Variants in PAX7 observed in about 807,000 individuals in gnomAD.
PAX7 encodes paired box 7.
A neutral mutation model predicts 50.7 loss-of-function variants in PAX7; 18 were observed. That is an observed-to-expected ratio of 0.36 (90% confidence interval 0.25 to 0.53). PAX7 has a LOEUF of 0.53. Among genes scored for constraint, PAX7 ranks in the 20% least tolerant of loss-of-function variants. The pLI is 0.93. For missense variants in PAX7, 644 were observed against 702.9 expected (o/e 0.92, Z 0.95); for synonymous variants, 310 against 290.4 (o/e 1.07, Z -0.69).
At chr1:18,637,634 CTT>C (rs2088182908) in intron 4 of PAX7, among the ~76,000 whole-genome samples, 1 of 152,250 alleles carries the variant, frequency 6.6e-6, no homozygotes, top group African/African-American at 2.4e-5. Context: ...CCCTCCCAAC[CTT>C]GAAGATGAAC....
At chr1:18,678,379 A>G (rs2100260158) in intron 4 of PAX7, among the ~76,000 whole-genome samples, 1 of 152,232 alleles carries the variant, frequency 6.6e-6, no homozygotes, top group African/African-American at 2.4e-5. Context: ...AGCTTGGACA[A>G]CAAGAGCAAA....
intron 4 of PAX7, among the ~76,000 whole-genome samples, chr1:18,643,243 C>T (rs575638812): frequency 6.6e-6 from 1 of 152,254 alleles, no homozygotes; most frequent in African/African-American, 2.4e-5. Context: ...CTCTGCGTGT[C>T]GGCTGCCAGT....
intron 4 of PAX7, among the ~76,000 whole-genome samples, chr1:18,639,960 G>C (rs2088224729): frequency 6.6e-6 from 1 of 150,460 alleles, no homozygotes; most frequent in South Asian, 2.1e-4. Flanking sequence ...AGTAGTAGTA[G>C]TGGAGGTAGC....
At chr1:18,707,436 T>G (rs2089298691) in intron 7 of PAX7, among the ~76,000 whole-genome samples, 2 of 133,520 alleles carry the variant, frequency 1.5e-5, no homozygotes, top group African/African-American at 5.5e-5. Flanking sequence ...TTTTTTTTTT[T>G]TGAGATAGGG....
intron 7 of PAX7, among the ~76,000 whole-genome samples, chr1:18,729,167 G>C (rs1256637886): frequency 6.6e-6 from 1 of 152,254 alleles, no homozygotes; most frequent in Admixed American, 6.5e-5. Context: ...TTCCTGGCAA[G>C]CTGTGTTCTG....
intron 4 of PAX7, among the ~76,000 whole-genome samples, chr1:18,642,265 G>A (rs1206878810): frequency 1.3e-5 from 2 of 152,068 alleles, no homozygotes; most frequent in Non-Finnish European, 2.9e-5. Context: ...AGTTGATGAG[G>A]CTTCATTCTG....
chr1:18,742,918 T>C (rs951076061), intron 8 of PAX7, among the ~76,000 whole-genome samples: 1 of 152,152 alleles, frequency 6.6e-6, no homozygotes, highest in Non-Finnish European at 1.5e-5. Flanking sequence ...GAGGCTGGAC[T>C]TTATTTCCCC....
Position 18,631,348 on chromosome 1 carries a change from T to C in PAX7, c.-256T>C. On this transcript the variant is annotated 5_prime_UTR_variant, in exon 1 of 9. Transcript: ENST00000420770. The stretch of plus-strand genomic sequence containing the variant: ...GACTTGGGGTTGGAGTGTTTGTTTG[T>C]TTGAACTTCCTCGTCGTCGCCACCT... The C allele has an allele frequency of 2.0e-6, 1 of 489,946 alleles. No homozygotes were observed. Among genetic ancestry groups the C allele is most frequent in the South Asian group, 2.7e-5 (1 of 36,624 alleles). 30.3% of individuals were successfully genotyped at this position (489,946 alleles called of 1,614,324 possible). A position where few individuals can be genotyped will look rare whatever the true frequency, so the allele number is the denominator to read the frequency against.
At position 18,691,763 on chromosome 1, in the gene PAX7, T is replaced by A. The variant is rs1161403871; in HGVS notation, c.596T>A (p.Leu199Gln). The A allele has an allele frequency of 6.3e-7, 1 of 1,578,808 alleles. No individual in the cohort carries two copies. Among genetic ancestry groups the A allele is most frequent in the East Asian group, 2.3e-5 (1 of 42,764 alleles). ...DGILGDKGNRLDEGSDVESEP... is the reference protein window; with the variant it reads ...DGILGDKGNRQDEGSDVESEP... ...TCTCCTCCGGCTGTAGGGAACCGGC[T>A]GGACGAGGGCTCGGATGTGGAGTCG... Residue 199 changes from leucine (L) to glutamine (Q), a missense_variant, in exon 5 of 9, where the codon CTG becomes CAG. By Grantham distance (113) the Leu-to-Gln change is moderately radical. Transcript: ENST00000420770.
chr1:18,666,339 G>T (rs1296457643), intron 4 of PAX7, among the ~76,000 whole-genome samples: 1 of 152,186 alleles, frequency 6.6e-6, no homozygotes, highest in Non-Finnish European at 1.5e-5. Flanking sequence ...GCACTTAGTG[G>T]CCTGGCTGTG....
intron 7 of PAX7, among the ~76,000 whole-genome samples, chr1:18,723,604 G>A (rs2089521174): frequency 6.6e-6 from 1 of 152,258 alleles, no homozygotes; most frequent in South Asian, 2.1e-4. Flanking sequence ...CCAGGACAGA[G>A]GTTGGGGCAA....
At chr1:18,706,242 T>C (rs2089281898) in intron 7 of PAX7, among the ~76,000 whole-genome samples, 1 of 152,110 alleles carries the variant, frequency 6.6e-6, no homozygotes, top group South Asian at 2.1e-4. Context: ...GGAGACGCCC[T>C]GTGAGGACAG....
Position 18,634,645 on chromosome 1 carries a change from C to T in PAX7, c.321+107C>T. 1.2e-6 allele frequency: 1 copy of T among 824,820 alleles called. No individual in the cohort carries two copies. Among genetic ancestry groups the T allele is most frequent in the Non-Finnish European group, 1.9e-6 (1 of 518,336 alleles). The allele number at this position is 824,820 out of a possible 1,614,324, so 51.1% of individuals were successfully genotyped here. On this transcript the variant is annotated intron_variant, in intron 2 of 8. Coordinates refer to ENST00000420770, the MANE Select transcript of PAX7 (RefSeq NM_001135254.2). This position sits in a 1 kb window ranked among gnomAD's most constrained non-coding sequence, Gnocchi z 4.0. ...GGCACCAGGCTGTAGGAAAGTACAGCTGGAGGGTGTCTTCTACTCCCAGAT... is the reference window on the plus strand; with the variant it reads ...GGCACCAGGCTGTAGGAAAGTACAGTTGGAGGGTGTCTTCTACTCCCAGAT...
Position 18,636,502 on chromosome 1 carries a change from G to A in PAX7, c.586+131G>A, listed in dbSNP as rs1211298147. ...AGCGGAGAAACTCTCATGCTGCGGG[G>A]CAGCTGGGAGCCGCTCAGGCTTTGC... On this transcript the variant is annotated intron_variant, in intron 4 of 8. Transcript: ENST00000420770. The surrounding 1 kb of genome is among the most constrained non-coding windows in gnomAD (Gnocchi z 5.1). 12 of 1,173,722 alleles carry A rather than the reference G, an allele frequency of 1.0e-5. No homozygotes were observed. Among genetic ancestry groups the A allele is most frequent in the Non-Finnish European group, 1.4e-5 (12 of 834,540 alleles). The allele number at this position is 1,173,722 out of a possible 1,614,324, so 72.7% of individuals were successfully genotyped here.
chr1:18,689,278 G>T (rs1441533834), intron 4 of PAX7, among the ~76,000 whole-genome samples: 1 of 152,226 alleles, frequency 6.6e-6, no homozygotes, highest in Non-Finnish European at 1.5e-5. Flanking sequence ...TGCATTTCAG[G>T]AATTGAATCC....
At chr1:18,716,596 C>T (rs1214767461) in intron 7 of PAX7, among the ~76,000 whole-genome samples, 1 of 151,784 alleles carries the variant, frequency 6.6e-6, no homozygotes, top group East Asian at 1.9e-4. Context: ...CCCTTCGCCC[C>T]CTGTGCCACC....
intron 7 of PAX7, among the ~76,000 whole-genome samples, chr1:18,722,273 C>G (rs2089504096): frequency 6.6e-6 from 1 of 151,960 alleles, no homozygotes; most frequent in African/African-American, 2.4e-5. Flanking sequence ...AAGGCGGGGA[C>G]TCCATTTGCC....
rs940907254 is a variant in PAX7, at chr1:18,726,037, T to C, written c.1156-9595T>C. Among the ~76,000 whole-genome samples the C allele has an allele frequency of 1.3e-5, 2 of 152,116 alleles. No homozygotes were observed. The highest frequency in any genetic ancestry group is 2.1e-4 in the South Asian group (1 of 4,834). On this transcript the variant is annotated intron_variant, in intron 7 of 8. Coordinates refer to ENST00000420770, the MANE Select transcript of PAX7 (RefSeq NM_001135254.2). The surrounding 1 kb of genome is among the most constrained non-coding windows in gnomAD (Gnocchi z 4.8). ...GCGTGTGTGTGCGTGTGTTTGTGTGTGTGTGTGTCTTTGACTTCTTGGACA... is the reference window on the plus strand; with the variant it reads ...GCGTGTGTGTGCGTGTGTTTGTGTGCGTGTGTGTCTTTGACTTCTTGGACA...
rs1407261837 is a variant in PAX7, at chr1:18,744,926, C to T, written c.1515C>T (p.Tyr505=). 2 of 1,534,058 alleles carry T rather than the reference C, an allele frequency of 1.3e-6. No homozygotes were observed. The highest frequency in any genetic ancestry group is 1.8e-6 in the Non-Finnish European group (2 of 1,130,556). The stretch of plus-strand genomic sequence containing the variant: ...TGCCTGTGGAAACTGGCCAGGCCTA[C>T]TAGGGCCCCTGGGGCGACTTGCCCC... ...GLLPVETGQA[Y] is the part of the protein sequence containing the mutation. The change falls in exon 9 of 9, where the codon TAC becomes TAT. Residue 505 remains tyrosine, a synonymous_variant. Coordinates refer to ENST00000420770, the MANE Select transcript of PAX7 (RefSeq NM_001135254.2).
Sources: allele counts gnomAD v4.1 joint callset (sites outside exome capture counted in the v4.1 genomes callset), GRCh38; gene constraint gnomAD v4.1.1; non-coding constraint Gnocchi (gnomAD v3.1); transcripts MANE v1.5; gene names NCBI Gene and HGNC (gene_info 2026-07-23, HGNC 2026-07-21).